Variants in PIGK observed in about 807,000 individuals in gnomAD.
PIGK encodes phosphatidylinositol glycan anchor biosynthesis class K, also known as GPI-anchor transamidase.
A neutral mutation model predicts 50.6 loss-of-function variants in PIGK; 42 were observed. The ratio of observed to expected loss-of-function variants is 0.83; its 90% CI spans 0.65 to 1.07. The LOEUF is 1.07. Among genes scored for constraint, PIGK ranks in the 50% least tolerant of loss-of-function variants. The probability of loss-of-function intolerance (pLI) is 0.00; values close to 1 mark genes in which losing one functional copy is unlikely to be tolerated. For synonymous variants in PIGK, 151 were observed against 156.0 expected (o/e 0.97, Z 0.24); for missense variants, 448 against 488.7 (o/e 0.92, Z 0.78).
intron 10 of PIGK, among the ~76,000 whole-genome samples, chr1:77,112,432 C>A (rs941505502): frequency 5.9e-5 from 9 of 152,060 alleles, no homozygotes; most frequent in Admixed American, 4.6e-4. Flanking sequence ...GAGAAGAGAT[C>A]CCCCGTTACC....
At chr1:77,139,695 C>T (rs1260872812) in intron 9 of PIGK, among the ~76,000 whole-genome samples, 2 of 152,170 alleles carry the variant, frequency 1.3e-5, no homozygotes, top group Admixed American at 1.3e-4. Context: ...TGCTATTCAT[C>T]AAATGTTGTT....
intron 10 of PIGK, among the ~76,000 whole-genome samples, chr1:77,101,733 C>T (rs1022348472): frequency 2.0e-5 from 3 of 152,084 alleles, no homozygotes; most frequent in Admixed American, 6.6e-5. Context: ...TGGCCAGGTG[C>T]GGTGGCTCAC....
At chr1:77,102,107 T>G (rs747554846) in intron 10 of PIGK, among the ~76,000 whole-genome samples, 2 of 152,208 alleles carry the variant, frequency 1.3e-5, no homozygotes, top group Non-Finnish European at 2.9e-5. Context: ...GGTGAAAACA[T>G]TCAAAGGTGG....
intron 9 of PIGK, among the ~76,000 whole-genome samples, chr1:77,151,752 C>A (rs1008121431): frequency 6.6e-6 from 1 of 151,882 alleles, no homozygotes; most frequent in Non-Finnish European, 1.5e-5. Flanking sequence ...CAATACCTAC[C>A]AAAGGAAAAA....
At chr1:77,109,472 C>T (rs993265893) in intron 10 of PIGK, among the ~76,000 whole-genome samples, 9 of 152,142 alleles carry the variant, frequency 5.9e-5, no homozygotes, top group Admixed American at 6.5e-5. Context: ...AATCAATAAA[C>T]GTAATCCAGC....
chr1:77,181,735 T>C (rs80046474), intron 3 of PIGK, among the ~76,000 whole-genome samples: 1 of 152,136 alleles, frequency 6.6e-6, no homozygotes, highest in Non-Finnish European at 1.5e-5. Context: ...TGACACAAAT[T>C]ATTAAGGATA....
chr1:77,146,007 A>G (rs1256478083), intron 9 of PIGK, among the ~76,000 whole-genome samples: 1 of 152,174 alleles, frequency 6.6e-6, no homozygotes, highest in African/African-American at 2.4e-5. Context: ...AATACTGTAA[A>G]TTGAAAATGA....
chr1:77,166,587 T>C (rs985607213), intron 5 of PIGK, 132 bp downstream of exon 5: 3 of 558,870 alleles, frequency 5.4e-6, no homozygotes, highest in Non-Finnish European at 6.4e-6. Flanking sequence ...TTCTACATTA[T>C]GGAAAATATA....
intron 8 of PIGK, 121 bp from the exon 9 acceptor site, chr1:77,154,742 T>C (rs897179080): frequency 4.4e-6 from 3 of 683,954 alleles, no homozygotes; most frequent in Non-Finnish European, 7.4e-6. Context: ...AAAGAAGCTA[T>C]GTGTTCTAAA....
At chr1:77,218,294 T>C (rs990129580) in intron 1 of PIGK, among the ~76,000 whole-genome samples, 1 of 152,212 alleles carries the variant, frequency 6.6e-6, no homozygotes, top group African/African-American at 2.4e-5. Context: ...TGTAGACGAA[T>C]CTAGCACCAA....
intron 9 of PIGK, among the ~76,000 whole-genome samples, chr1:77,142,237 C>T (rs545943098): frequency 7.2e-5 from 11 of 152,046 alleles, no homozygotes; most frequent in African/African-American, 2.7e-4. Context: ...CTGATAAAAA[C>T]ACAAATCAAG....
intron 9 of PIGK, among the ~76,000 whole-genome samples, chr1:77,145,395 A>G (rs555849018): frequency 6.6e-6 from 1 of 152,048 alleles, no homozygotes; most frequent in Non-Finnish European, 1.5e-5. Flanking sequence ...TCTCAGAAAA[A>G]CAGTCAATAT....
chr1:77,161,248 A>C (rs755005167), intron 8 of PIGK, 47 bp downstream of exon 8: 1 of 888,860 alleles, frequency 1.1e-6, no homozygotes, highest in Non-Finnish European at 1.9e-6. Context: ...TTTTCACATT[A>C]AGGTTAGCAT....
At chr1:77,114,067 A>C (rs1653911701) in intron 10 of PIGK, among the ~76,000 whole-genome samples, 1 of 152,138 alleles carries the variant, frequency 6.6e-6, no homozygotes, top group Non-Finnish European at 1.5e-5. Context: ...TATTCTTCCA[A>C]AATACATTTT....
In PIGK at chr1:77,219,330, C is replaced by T. The variant is rs377457719; in HGVS notation, c.73G>A (p.Val25Met). 6.8e-6 allele frequency: 11 copies of T among 1,613,544 alleles called. No homozygotes were observed. Among genetic ancestry groups the T allele is most frequent in the African/African-American group, 5.3e-5 (4 of 74,912 alleles). Reference protein sequence around the residue: ...ATVLLLSFGSVAASHIEDQAE... With the variant: ...ATVLLLSFGSMAASHIEDQAE... ...CCTACCTCGATATGACTAGCGGCCA[C>T]GCTGCCGAAGGACAAGAGCAACACA... Residue 25 changes from valine (V) to methionine (M), a missense_variant, in exon 1 of 11, where the codon GTG becomes ATG. Physicochemically the swap from Val to Met is conservative, Grantham distance 21 (BLOSUM62 1). Transcript: ENST00000370812.
chr1:77,217,146 G>T (rs1034722167), intron 1 of PIGK, among the ~76,000 whole-genome samples: 1 of 152,180 alleles, frequency 6.6e-6, no homozygotes, highest in African/African-American at 2.4e-5. Flanking sequence ...ACTGCCCTGA[G>T]TGCTCCAAAT....
chr1:77,208,401 G>T (rs1656340776), intron 2 of PIGK, among the ~76,000 whole-genome samples: 1 of 152,120 alleles, frequency 6.6e-6, no homozygotes, highest in East Asian at 1.9e-4. Context: ...GAGAGGTTTG[G>T]TTAGAGGTTT....
intron 10 of PIGK, among the ~76,000 whole-genome samples, chr1:77,117,392 C>T (rs1654003775): frequency 6.6e-6 from 1 of 152,176 alleles, no homozygotes; most frequent in Admixed American, 6.5e-5. Flanking sequence ...AAATGATTTT[C>T]TCACATAATT....
chr1:77,205,133 T>C (rs1181247504), intron 3 of PIGK, among the ~76,000 whole-genome samples: 2 of 152,174 alleles, frequency 1.3e-5, no homozygotes, highest in Non-Finnish European at 1.5e-5. Context: ...ATCATTTAAA[T>C]ATATCTTAAT....
Sources: gnomAD v4.1 joint callset for allele counts (sites outside exome capture counted in the v4.1 genomes callset) on GRCh38, gnomAD v4.1.1 for gene constraint, MANE v1.5 for transcripts, NCBI Gene and HGNC (gene_info 2026-07-23, HGNC 2026-07-21) for gene names.